SLC8A1: variants seen among roughly 807,000 people sequenced by gnomAD.
SLC8A1 encodes the protein sodium/calcium exchanger 1.
In SLC8A1, 18 loss-of-function variants were observed where a neutral mutation model predicts 68.3. That is an observed-to-expected ratio of 0.26 (90% CI 0.18 to 0.39). The LOEUF is 0.39. Ranked by LOEUF, SLC8A1 falls within the 10% of genes least tolerant of loss-of-function variation. SLC8A1 has a pLI of 1.00. For missense variants in SLC8A1, 985 were observed against 1,156.7 expected, an observed-to-expected ratio of 0.85 and a Z score of 2.15; for synonymous variants, 475 against 415.5, an observed-to-expected ratio of 1.14 and a Z score of -1.74.
chr2:40,150,352 GA>G (rs1206962358), intron 6 of SLC8A1, among the ~76,000 whole-genome samples: 1 of 152,206 alleles, frequency 6.6e-6, no homozygotes, highest in Non-Finnish European at 1.5e-5. Context: ...TCTGCCTATG[GA>G]GAGTGTTTGT....
chr2:40,249,931 A>G (rs1366549571), intron 2 of SLC8A1, among the ~76,000 whole-genome samples: 1 of 152,210 alleles, frequency 6.6e-6, no homozygotes, highest in Non-Finnish European at 1.5e-5. Context: ...CTTGTTTCAA[A>G]GGAAGATACC....
chr2:40,306,029 G>A (rs576188095), intron 2 of SLC8A1, among the ~76,000 whole-genome samples: 4 of 152,132 alleles, frequency 2.6e-5, no homozygotes, highest in African/African-American at 7.2e-5. Context: ...TCCCTTACAG[G>A]TTTTGGGAGG....
At chr2:40,509,811 C>T (rs1576690775) in intron 1 of SLC8A1, among the ~76,000 whole-genome samples, 2 of 126,788 alleles carry the variant, frequency 1.6e-5, no homozygotes, top group African/African-American at 3.1e-5. Context: ...CATTAACAGC[C>T]TTTTTTTTGT....
At chr2:40,333,153 T>C (rs896695562) in intron 2 of SLC8A1, among the ~76,000 whole-genome samples, 3 of 152,108 alleles carry the variant, frequency 2.0e-5, no homozygotes, top group Admixed American at 6.5e-5. Context: ...AAAACTGTCT[T>C]TTAGGCCGGG....
chr2:40,247,237 C>A (rs746624322), intron 2 of SLC8A1, among the ~76,000 whole-genome samples: 2 of 152,218 alleles, frequency 1.3e-5, no homozygotes, highest in Non-Finnish European at 2.9e-5. Flanking sequence ...GGAGCGATCA[C>A]TATCCCCAGA....
intron 1 of SLC8A1, among the ~76,000 whole-genome samples, chr2:40,483,508 A>G (rs1184594469): frequency 6.6e-6 from 1 of 152,200 alleles, no homozygotes; most frequent in Non-Finnish European, 1.5e-5. Flanking sequence ...GAGAATAGCT[A>G]CAGTCAACAA....
intron 2 of SLC8A1, among the ~76,000 whole-genome samples, chr2:40,315,699 T>C (rs1223044051): frequency 6.6e-6 from 1 of 152,030 alleles, no homozygotes; most frequent in Non-Finnish European, 1.5e-5. Context: ...TTCAGGAATA[T>C]TTATCTGAAG....
chr2:40,388,751 C>G (rs1684386399), intron 2 of SLC8A1, among the ~76,000 whole-genome samples: 1 of 152,016 alleles, frequency 6.6e-6, no homozygotes, highest in Non-Finnish European at 1.5e-5. Flanking sequence ...AAAGAGAACT[C>G]TAAAACATTC....
chr2:40,167,742 C>A (rs1359504430), intron 4 of SLC8A1, among the ~76,000 whole-genome samples: 1 of 152,108 alleles, frequency 6.6e-6, no homozygotes, highest in Non-Finnish European at 1.5e-5. Flanking sequence ...GAAATAACTC[C>A]CTATTGATGA....
At chr2:40,176,062 C>T in intron 3 of SLC8A1, 1 of 419,612 alleles carries the variant, frequency 2.4e-6, no homozygotes, top group Non-Finnish European at 4.8e-6. Flanking sequence ...TGTCTTTCAG[C>T]TTATGTGCTT....
intron 2 of SLC8A1, among the ~76,000 whole-genome samples, chr2:40,226,312 G>C (rs1257953164): frequency 6.6e-6 from 1 of 152,146 alleles, no homozygotes; most frequent in Non-Finnish European, 1.5e-5. Flanking sequence ...AGAGAGGCTG[G>C]AGGTTTGGAT....
intron 3 of SLC8A1, chr2:40,175,265 C>T: frequency 6.2e-7 from 1 of 1,613,172 alleles, no homozygotes; most frequent in South Asian, 1.1e-5. Flanking sequence ...GCTTACCAAG[C>T]TCATTCAATA....
At chr2:40,406,413 T>A (rs1690349640) in intron 2 of SLC8A1, among the ~76,000 whole-genome samples, 1 of 152,196 alleles carries the variant, frequency 6.6e-6, no homozygotes, top group African/African-American at 2.4e-5. Flanking sequence ...TAAACATGAT[T>A]ACTTATTTAT....
chr2:40,491,339 C>A (rs1705304280), intron 1 of SLC8A1, among the ~76,000 whole-genome samples: 1 of 151,998 alleles, frequency 6.6e-6, no homozygotes, highest in African/African-American at 2.4e-5. Flanking sequence ...GATTTTGTAT[C>A]CTGAGACTTT....
At chr2:40,456,316 CAAAAAAA>C (rs67747641), upstream of SLC8A1, among the ~76,000 whole-genome samples, 2 of 102,404 alleles carry the variant, frequency 2.0e-5, no homozygotes, top group East Asian at 8.4e-4. Context: ...GACTCCGTCT[CAAAAAAA>C]AAAAAAAAAA....
chr2:40,222,901 C>G (rs367855953), intron 2 of SLC8A1, among the ~76,000 whole-genome samples: 6 of 152,052 alleles, frequency 3.9e-5, no homozygotes, highest in Admixed American at 6.6e-5. Context: ...GAAATAGGAA[C>G]CCTTTTACAC....
At chr2:40,390,294 A>C (rs747674273) in intron 2 of SLC8A1, among the ~76,000 whole-genome samples, 1 of 152,092 alleles carries the variant, frequency 6.6e-6, no homozygotes, top group Non-Finnish European at 1.5e-5. Context: ...TTGGAATCAT[A>C]TAATTATTTA....
intron 1 of SLC8A1, among the ~76,000 whole-genome samples, chr2:40,450,758 G>T (rs575421642): frequency 1.3e-5 from 2 of 152,322 alleles, no homozygotes; most frequent in East Asian, 3.9e-4. Context: ...AGCGGCTTCA[G>T]GAGAGCCAGG....
chr2:40,462,685 G>A (rs1051706339), intron 1 of SLC8A1, among the ~76,000 whole-genome samples: 3 of 151,956 alleles, frequency 2.0e-5, no homozygotes, highest in Non-Finnish European at 4.4e-5. Context: ...GTGCATGCCT[G>A]TATTTCTAGC....
Sources: allele counts gnomAD v4.1 joint callset (sites outside exome capture counted in the v4.1 genomes callset), GRCh38; gene constraint gnomAD v4.1.1; transcripts MANE v1.5; gene names NCBI Gene and HGNC (gene_info 2026-07-23, HGNC 2026-07-21).